Variants in LZTS1 observed in about 807,000 individuals in gnomAD.
LZTS1 encodes leucine zipper tumor suppressor 1, also known as leucine zipper putative tumor suppressor 1.
A neutral mutation model predicts 45.8 loss-of-function variants in LZTS1; 31 were observed. The ratio of observed to expected loss-of-function variants is 0.68; its 90% CI spans 0.51 to 0.91. The LOEUF (loss-of-function observed/expected upper bound fraction) is 0.91, where lower values mean the gene tolerates loss of function less well. Among genes scored for constraint, LZTS1 ranks in the 40% least tolerant of loss-of-function variants. The probability of loss-of-function intolerance (pLI) is 0.00; values close to 1 mark genes in which losing one functional copy is unlikely to be tolerated. For missense variants in LZTS1, 821 were observed against 788.9 expected (o/e 1.04, Z -0.49); for synonymous variants, 359 against 357.3 (o/e 1.00, Z -0.05).
At chr8:20,251,787 GGA>G (rs1044828445) in intron 3 of LZTS1, among the ~76,000 whole-genome samples, 1 of 152,200 alleles carries the variant, frequency 6.6e-6, no homozygotes, top group Non-Finnish European at 1.5e-5. Context: ...CCAGTAGACA[GGA>G]GAGAGGAGGG....
At position 20,249,939 on chromosome 8, in the gene LZTS1, A is replaced by C; in HGVS notation, c.1574T>G (p.Phe525Cys). 6.2e-7 allele frequency: 1 copy of C among 1,614,110 alleles called. No individual in the cohort carries two copies. Among genetic ancestry groups the C allele is most frequent in the Non-Finnish European group, 8.5e-7 (1 of 1,180,010 alleles). The change falls in exon 4 of 4, where the codon TTC becomes TGC. Residue 525 changes from phenylalanine (F) to cysteine (C), a missense_variant. Coordinates refer to ENST00000381569, the MANE Select transcript of LZTS1 (RefSeq NM_021020.5). ...RQGHDQMSSGFQHERLVWKEE... is the reference protein window; with the variant it reads ...RQGHDQMSSGCQHERLVWKEE... ...CTTCCACACGAGCCGCTCATGCTGG[A>C]AGCCCGAGGACATCTGGTCATGGCC... is the stretch of plus-strand genomic sequence containing the variant.
intron 1 of LZTS1, among the ~76,000 whole-genome samples, chr8:20,255,873 G>T (rs553853722): frequency 4.6e-5 from 7 of 151,772 alleles, no homozygotes; most frequent in African/African-American, 1.7e-4. Context: ...CCAGGAGTTC[G>T]AGACCAGCCT....
In LZTS1 at chr8:20,252,953, G is replaced by C. The variant is rs961006211; in HGVS notation, c.978C>G (p.Arg326=). 3 of 1,593,486 alleles carry C rather than the reference G, an allele frequency of 1.9e-6. No homozygotes were observed. Among genetic ancestry groups the C allele is most frequent in the Non-Finnish European group, 1.7e-6 (2 of 1,171,070 alleles). ...KLKQASQKSQ[R]AQQVLHLQVL... Reference sequence around the variant, plus strand: ...CCTGCAGGTGCAGGACCTGCTGCGCGCGCTGGCTCTTCTGCGAGGCCTGCT... The same window carrying C: ...CCTGCAGGTGCAGGACCTGCTGCGCCCGCTGGCTCTTCTGCGAGGCCTGCT... The change falls in exon 3 of 4, where the codon CGC becomes CGG. Residue 326 remains arginine, a synonymous_variant. Transcript: ENST00000381569.
chr8:20,246,466 C>G lies in LZTS1; in HGVS notation c.*3256G>C, dbSNP rs967574969. The G allele has an allele frequency of 1.2e-4, 18 of 152,230 alleles. No individual in the cohort carries two copies. The highest frequency in any genetic ancestry group is 3.9e-4 in the Admixed American group (6 of 15,276). The allele number at this position is 152,230 out of a possible 1,614,324, so 9.4% of individuals were successfully genotyped here. On this transcript the variant is annotated 3_prime_UTR_variant, in exon 4 of 4. Transcript: ENST00000381569. ...GGTGCAGCCTCTGTCATGGCAGCAC[C>G]CACCGCATGATGGCTTGAGGTCTGC...
chr8:20,266,456 C>T (rs575216220), intron 1 of LZTS1, among the ~76,000 whole-genome samples: 18 of 152,244 alleles, frequency 1.2e-4, no homozygotes, highest in East Asian at 3.9e-4. Flanking sequence ...ATGCAGATAC[C>T]GAAGCCAAGT....
chr8:20,281,769 G>C (rs938952473), intron 1 of LZTS1, among the ~76,000 whole-genome samples: 1 of 152,192 alleles, frequency 6.6e-6, no homozygotes, highest in Non-Finnish European at 1.5e-5. Flanking sequence ...CACCAGAGCT[G>C]AGCAGATGCT....
chr8:20,254,836 C>T lies in LZTS1; in HGVS notation c.345+1G>A. 6.2e-7 allele frequency: 1 copy of T among 1,600,848 alleles called. No homozygotes were observed. Among genetic ancestry groups the T allele is most frequent in the Non-Finnish European group, 8.5e-7 (1 of 1,171,580 alleles). On this transcript the variant is annotated splice_donor_variant, in intron 2 of 3. Transcript: ENST00000381569. LOFTEE classifies it high-confidence loss of function. ...TACCCTTGCCAGCGACCCCCGCTTA[C>T]CATTTCTAGCTGATTGGAGAAGGGC...
intron 1 of LZTS1, among the ~76,000 whole-genome samples, chr8:20,265,926 C>CT (rs1387184212): frequency 6.6e-6 from 1 of 152,132 alleles, no homozygotes; most frequent in Non-Finnish European, 1.5e-5. Context: ...TGTCACCCCA[C>CT]TTATCTTTAA....
intron 1 of LZTS1, among the ~76,000 whole-genome samples, chr8:20,256,059 T>TAAA (rs1375275540): frequency 1.0e-4 from 2 of 19,482 alleles, no homozygotes; most frequent in Non-Finnish European, 2.3e-4. Context: ...TGGGCCTGAC[T>TAAA]CAAAAAAAAA....
chr8:20,253,212 C>G lies in LZTS1; in HGVS notation c.719G>C (p.Gly240Ala), dbSNP rs770987246. 6.2e-7 allele frequency: 1 copy of G among 1,613,800 alleles called. No homozygotes were observed. Among genetic ancestry groups the G allele is most frequent in the East Asian group, 2.2e-5 (1 of 44,880 alleles). ...GCCCTTGTCTGCCTTGTTCGAGTGG[C>G]CCAGCTTGCTACCTCCGTCGGAGAA... Reference protein sequence around the residue: ...LSFSDGGSKLGHSNKADKGPS... With the variant: ...LSFSDGGSKLAHSNKADKGPS... The change falls in exon 3 of 4, where the codon GGC becomes GCC. Residue 240 changes from glycine to alanine, a missense_variant. Physicochemically the swap from Gly to Ala is moderately conservative, Grantham distance 60 (BLOSUM62 0). Transcript: ENST00000381569.
chr8:20,290,599 C>T (rs576157637), intron 1 of LZTS1: 1 of 152,356 alleles, frequency 6.6e-6, no homozygotes, highest in East Asian at 1.9e-4. Context: ...ACTATTTCTC[C>T]AATTTTCCAG....
At position 20,253,313 on chromosome 8, in the gene LZTS1, A is replaced by G. The variant is rs745886511; in HGVS notation, c.618T>C (p.Phe206=). ...GGGTGATGTTGTGGGCGGAGCCCCCAAAACGGCTTGTGGGTCCCACGGGTG... is the reference window on the plus strand; with the variant it reads ...GGGTGATGTTGTGGGCGGAGCCCCCGAAACGGCTTGTGGGTCCCACGGGTG... ...LVTPVGPTSR[F]GGSAHNITQG... The change falls in exon 3 of 4, where the codon TTT becomes TTC. Residue 206 remains phenylalanine, a synonymous_variant. Coordinates refer to ENST00000381569, the MANE Select transcript of LZTS1 (RefSeq NM_021020.5). 1.9e-6 allele frequency: 3 copies of G among 1,614,016 alleles called. No individual in the cohort carries two copies. The highest frequency in any genetic ancestry group is 2.5e-6 in the Non-Finnish European group (3 of 1,180,036).
At chr8:20,299,465 C>T (rs1801035605) in intron 1 of LZTS1, among the ~76,000 whole-genome samples, 2 of 152,326 alleles carry the variant, frequency 1.3e-5, no homozygotes, top group African/African-American at 4.8e-5. Context: ...TTCAGGTGTG[C>T]CAGTTCTTCT....
chr8:20,263,331 T>C (rs1395879966), intron 1 of LZTS1, among the ~76,000 whole-genome samples: 1 of 151,612 alleles, frequency 6.6e-6, no homozygotes, highest in African/African-American at 2.4e-5. Flanking sequence ...CTGGATTCAT[T>C]TCAGTCTTTT....
chr8:20,251,837 A>C (rs1471227318), intron 3 of LZTS1, among the ~76,000 whole-genome samples: 1 of 152,170 alleles, frequency 6.6e-6, no homozygotes, highest in Non-Finnish European at 1.5e-5. Flanking sequence ...GGATGTGGGC[A>C]TAAACGTCGA....
At chr8:20,255,617 T>C (rs950415043) in intron 1 of LZTS1, among the ~76,000 whole-genome samples, 1 of 151,934 alleles carries the variant, frequency 6.6e-6, no homozygotes, top group African/African-American at 2.4e-5. Context: ...AGCAAACCAA[T>C]GTATACTATA....
chr8:20,261,393 C>T (rs1273435346), intron 1 of LZTS1, among the ~76,000 whole-genome samples: 3 of 152,202 alleles, frequency 2.0e-5, no homozygotes, highest in African/African-American at 4.8e-5. Context: ...AGCCCTCACA[C>T]CCCTCCCTGA....
chr8:20,292,050 T>C (rs1800908981), intron 1 of LZTS1, among the ~76,000 whole-genome samples: 1 of 152,232 alleles, frequency 6.6e-6, no homozygotes, highest in Non-Finnish European at 1.5e-5. Flanking sequence ...AGGGGTCCCC[T>C]CTCTGGAAAC....
At chr8:20,262,559 G>A (rs1274656222) in intron 1 of LZTS1, among the ~76,000 whole-genome samples, 1 of 152,086 alleles carries the variant, frequency 6.6e-6, no homozygotes, top group Non-Finnish European at 1.5e-5. Context: ...GAGCCAGCCT[G>A]ATAAAGTGGT....
Sources: gnomAD v4.1 joint callset for allele counts (sites outside exome capture counted in the v4.1 genomes callset) on GRCh38, gnomAD v4.1.1 for gene constraint, MANE v1.5 for transcripts, NCBI Gene and HGNC (gene_info 2026-07-23, HGNC 2026-07-21) for gene names.